Variants in OTUD7B observed in about 807,000 individuals in gnomAD.
The protein encoded by OTUD7B is OTU domain-containing protein 7B.
In OTUD7B, 34 loss-of-function variants were observed where a neutral mutation model predicts 82.2. The observed-to-expected ratio is 0.41, with a 90% CI of 0.31 to 0.55. OTUD7B has a LOEUF of 0.55. OTUD7B is among the 20% of genes least tolerant of loss of function. The pLI, the probability that OTUD7B is intolerant of heterozygous loss-of-function variation, is 0.20. For missense variants in OTUD7B, 944 were observed against 1,062.1 expected (o/e 0.89, Z 1.55); for synonymous variants, 398 against 402.7 (o/e 0.99, Z 0.14).
intron 4 of OTUD7B, 115 bp downstream of exon 4, chr1:149,967,179 T>C: frequency 1.6e-6 from 1 of 639,632 alleles, no homozygotes. Context: ...CTCCTGACTT[T>C]GCAATCAGAT....
Position 149,938,970 on chromosome 1 carries a change from CAGG to C in OTUD7B, c.*4884_*4886del, listed in dbSNP as rs1461045967. On this transcript the variant is annotated 3_prime_UTR_variant, in exon 12 of 12. Transcript: ENST00000581312. ...AAAAAAAAGCGGGGTGGGGGGAAAT[CAGG>C]AGGAGAAAAGAATTGGGCGATTTGG... 5 of 145,018 alleles carry C rather than the reference CAGG, an allele frequency of 3.4e-5. No individual in the cohort carries two copies. Among genetic ancestry groups the C allele is most frequent in the East Asian group, 2.0e-4 (1 of 4,986 alleles). The allele number at this position is 145,018 out of a possible 1,614,324, so 9.0% of individuals were successfully genotyped here.
the OTUD7B span, among the ~76,000 whole-genome samples, chr1:150,043,849 G>A: frequency 2.0e-4 from 31 of 152,216 alleles, 1 homozygote; most frequent in Middle Eastern, 3.4e-3. Flanking sequence ...TATGGTTCAC[G>A]CCTGTAATCC....
At chr1:149,984,473 C>G (rs587716346) in intron 1 of OTUD7B, among the ~76,000 whole-genome samples, 1 of 152,316 alleles carries the variant, frequency 6.6e-6, no homozygotes, top group South Asian at 2.1e-4. Context: ...TCCTGCTTCT[C>G]TGGCCCTGTG....
chr1:150,018,745 C>T, the OTUD7B span, among the ~76,000 whole-genome samples: 1 of 152,114 alleles, frequency 6.6e-6, no homozygotes, highest in Non-Finnish European at 1.5e-5. Context: ...GTGTAAAGGA[C>T]AAGGCAGCCT....
At chr1:150,004,433 G>A (rs1652520132) in intron 1 of OTUD7B, among the ~76,000 whole-genome samples, 2 of 151,734 alleles carry the variant, frequency 1.3e-5, no homozygotes, top group Admixed American at 6.6e-5. Context: ...GCTGGTGCAC[G>A]CCTGTAATCC....
the OTUD7B span, among the ~76,000 whole-genome samples, chr1:150,032,680 TAAG>T: frequency 4.5e-4 from 63 of 140,282 alleles, 1 homozygote; most frequent in Middle Eastern, 3.5e-3. Context: ...GGAAGAGGAA[TAAG>T]AAGAAGAAGA....
chr1:149,951,488 C>A (rs1553773460), intron 7 of OTUD7B, among the ~76,000 whole-genome samples: 3 of 152,176 alleles, frequency 2.0e-5, no homozygotes, highest in Non-Finnish European at 4.4e-5. Context: ...TGGATTACTA[C>A]AACTGCATCT....
At chr1:149,987,647 C>G (rs898511871) in intron 1 of OTUD7B, among the ~76,000 whole-genome samples, 6 of 152,162 alleles carry the variant, frequency 3.9e-5, no homozygotes, top group Non-Finnish European at 8.8e-5. Context: ...AGCCCCCTCC[C>G]TGTATCTTTC....
At chr1:150,057,318 T>C in the OTUD7B span, among the ~76,000 whole-genome samples, 4,114 of 152,304 alleles carry the variant, frequency 0.027, 167 homozygotes, top group African/African-American at 0.093. Context: ...GAAGGAAGTT[T>C]GGTAAAGAGT....
At chr1:149,995,663 C>CT (rs1553783195) in intron 1 of OTUD7B, among the ~76,000 whole-genome samples, 1 of 152,060 alleles carries the variant, frequency 6.6e-6, no homozygotes, top group Non-Finnish European at 1.5e-5. Flanking sequence ...AACTCAATTC[C>CT]TACTGGAACT....
chr1:150,028,625 G>A, the OTUD7B span, among the ~76,000 whole-genome samples: 1 of 151,892 alleles, frequency 6.6e-6, no homozygotes, highest in Non-Finnish European at 1.5e-5. Context: ...CCTAACCCTT[G>A]GCAACCACCA....
chr1:150,004,476 C>A (rs1430777359), intron 1 of OTUD7B, among the ~76,000 whole-genome samples: 1 of 152,016 alleles, frequency 6.6e-6, no homozygotes, highest in East Asian at 1.9e-4. Flanking sequence ...ACGAGAATCA[C>A]TTGAACCCAG....
At chr1:149,954,939 CTTT>C (rs1443310574) in intron 7 of OTUD7B, among the ~76,000 whole-genome samples, 1 of 152,078 alleles carries the variant, frequency 6.6e-6, no homozygotes. Flanking sequence ...CTCTTTTCTT[CTTT>C]ATTAGTCTTG....
chr1:150,022,440 G>A, the OTUD7B span, among the ~76,000 whole-genome samples: 1 of 144,804 alleles, frequency 6.9e-6, no homozygotes, highest in East Asian at 2.0e-4. Flanking sequence ...CATGCTGAAG[G>A]TCTGAGGCAG....
rs2092747448 is a variant in OTUD7B at position 149,939,316 on chromosome 1, G to A, written c.*4541C>T. The stretch of plus-strand genomic sequence containing the variant: ...TCTTAACTGCTGCCAGCCAGCTTCC[G>A]TTGCTCTTTTGTACTGCCCCTTACC... On this transcript the variant is annotated 3_prime_UTR_variant, in exon 12 of 12. Coordinates refer to ENST00000581312, the MANE Select transcript of OTUD7B (RefSeq NM_020205.4). 1 of 152,314 alleles carries A rather than the reference G, an allele frequency of 6.6e-6. No homozygotes were observed. The highest frequency in any genetic ancestry group is 2.4e-5 in the African/African-American group (1 of 41,398). 9.4% of individuals were successfully genotyped at this position (152,314 alleles called of 1,614,324 possible). A position where few individuals can be genotyped will look rare whatever the true frequency, so the allele number is the denominator to read the frequency against.
Position 149,939,250 on chromosome 1 carries a change from T to C in OTUD7B, c.*4607A>G, listed in dbSNP as rs2092747089. 6.6e-6 allele frequency: 1 copy of C among 152,248 alleles called. No homozygotes were observed. The highest frequency in any genetic ancestry group is 2.4e-5 in the African/African-American group (1 of 41,448). The allele number at this position is 152,248 out of a possible 1,614,324, so 9.4% of individuals were successfully genotyped here. On this transcript the variant is annotated 3_prime_UTR_variant, in exon 12 of 12. Transcript: ENST00000581312. ...ACAAGATGAGTCACAGATCCAGTTA[T>C]AAGCACAGAAAGAGGCCAAGGTCCT...
In OTUD7B at chr1:149,948,958, G is replaced by C. The variant is rs187571555; in HGVS notation, c.1238+11C>G. On this transcript the variant is annotated intron_variant, in intron 10 of 11. Transcript: ENST00000581312. The stretch of plus-strand genomic sequence containing the variant: ...AGCACAAAATAGATGAAAAGACTAG[G>C]CCTGGCTTACCTGGCCAATCGGACA... The C allele has an allele frequency of 5.7e-5, 87 of 1,538,198 alleles. No homozygotes were observed. The East Asian group carries it at 1.9e-3, about 34-fold the overall frequency.
intron 1 of OTUD7B, among the ~76,000 whole-genome samples, chr1:150,003,016 C>T (rs990615062): frequency 3.3e-5 from 5 of 151,830 alleles, no homozygotes; most frequent in African/African-American, 7.3e-5. Context: ...TTTGGGAGGC[C>T]GAGGCGGGCG....
chr1:149,997,050 T>G (rs1194913749), intron 1 of OTUD7B, among the ~76,000 whole-genome samples: 3 of 152,108 alleles, frequency 2.0e-5, no homozygotes, highest in African/African-American at 7.2e-5. Flanking sequence ...AGCAGCTGAG[T>G]TCCTAGTCAA....
Sources: gnomAD v4.1 joint callset for allele counts (sites outside exome capture counted in the v4.1 genomes callset) on GRCh38, gnomAD v4.1.1 for gene constraint, MANE v1.5 for transcripts, NCBI Gene and HGNC (gene_info 2026-07-23, HGNC 2026-07-21) for gene names.